The following QSER1 variants were observed in gnomAD, a reference collection of about 807,000 sequenced individuals.
QSER1 encodes glutamine and serine rich 1.
In QSER1, 49 loss-of-function variants were observed where a neutral mutation model predicts 158.5. The ratio of observed to expected loss-of-function variants is 0.31; its 90% CI spans 0.25 to 0.39. The LOEUF is 0.39. Ranked by LOEUF, QSER1 falls within the 10% of genes least tolerant of loss-of-function variation. The pLI, the probability that QSER1 is intolerant of heterozygous loss-of-function variation, is 1.00. For missense variants in QSER1, 1,754 were observed against 2,010.3 expected, an observed-to-expected ratio of 0.87 and a Z score of 2.44; for synonymous variants, 650 against 715.5, an observed-to-expected ratio of 0.91 and a Z score of 1.46.
intron 4 of QSER1, among the ~76,000 whole-genome samples, chr11:32,938,568 T>C (rs1190282626): frequency 2.0e-5 from 3 of 152,234 alleles, no homozygotes; most frequent in Non-Finnish European, 2.9e-5. Context: ...CTTCCACTGA[T>C]GCTAGTTTCC....
At chr11:32,915,064 G>A (rs1851815366) in intron 1 of QSER1, among the ~76,000 whole-genome samples, 1 of 152,028 alleles carries the variant, frequency 6.6e-6, no homozygotes, top group African/African-American at 2.4e-5. Context: ...TGGACTACAG[G>A]TGCCACTATG....
chr11:32,948,921 T>A (rs540364549), intron 4 of QSER1, among the ~76,000 whole-genome samples: 3 of 152,292 alleles, frequency 2.0e-5, no homozygotes, highest in South Asian at 4.1e-4. Flanking sequence ...ATATTTCTTT[T>A]CTTTTCCTGG....
chr11:32,941,327 C>T (rs1852228935), intron 4 of QSER1, among the ~76,000 whole-genome samples: 2 of 150,408 alleles, frequency 1.3e-5, no homozygotes, highest in African/African-American at 4.9e-5. Flanking sequence ...TGGTGTGCTG[C>T]ACCCACTAAC....
chr11:32,940,408 A>G (rs1005060416), intron 4 of QSER1, among the ~76,000 whole-genome samples: 2 of 152,122 alleles, frequency 1.3e-5, no homozygotes, highest in African/African-American at 4.8e-5. Flanking sequence ...TTAACTTGCT[A>G]GTATTTTATT....
chr11:32,893,467 C>A lies in QSER1; in HGVS notation c.209+133C>A. On this transcript the variant is annotated intron_variant, in intron 1 of 12. Transcript: ENST00000650167. The surrounding 1 kb of genome is among the most constrained non-coding windows in gnomAD (Gnocchi z 4.7). ...GCCCTCCGCTCGCCCTCGGCCAGCTCGGGGGAGGCGGCTGATGACTCCTAC... is the reference window on the plus strand; with the variant it reads ...GCCCTCCGCTCGCCCTCGGCCAGCTAGGGGGAGGCGGCTGATGACTCCTAC... 1 of 152,408 alleles carries A rather than the reference C, an allele frequency of 6.6e-6. No homozygotes were observed. The highest frequency in any genetic ancestry group is 1.9e-4 in the East Asian group (1 of 5,176). The allele number at this position is 152,408 out of a possible 1,614,324, so 9.4% of individuals were successfully genotyped here.
rs374250160 is a variant in QSER1 at position 32,934,037 on chromosome 11, C to G, written c.2779C>G (p.Leu927Val). The G allele has an allele frequency of 6.2e-7, 1 of 1,613,326 alleles. No homozygotes were observed. The highest frequency in any genetic ancestry group is 1.7e-5 in the Admixed American group (1 of 59,864). The change falls in exon 4 of 13, where the codon CTC becomes GTC. Residue 927 changes from leucine (L) to valine (V), a missense_variant. Around this residue, in one of 2 missense-constraint regions of QSER1, gnomAD observed 1,707 missense variants for 1,919.6 expected, o/e 0.89. Coordinates refer to ENST00000650167, the MANE Select transcript of QSER1 (RefSeq NM_001076786.3). Reference sequence around the variant, plus strand: ...AAATTCTGAAGTTATGAAAATGGACCTCTCTGAGTCTTCAAAACCATTACA... The same window carrying G: ...AAATTCTGAAGTTATGAAAATGGACGTCTCTGAGTCTTCAAAACCATTACA... Reference protein sequence around the residue: ...PQNSEVMKMDLSESSKPLQQH... With the variant: ...PQNSEVMKMDVSESSKPLQQH...
chr11:32,913,262 C>T (rs1320865515), intron 1 of QSER1, among the ~76,000 whole-genome samples: 1 of 139,316 alleles, frequency 7.2e-6, no homozygotes, highest in African/African-American at 2.7e-5. Context: ...GCGATCTCGG[C>T]TCACTGCAAG....
chr11:32,905,185 G>T (rs1306443498), intron 1 of QSER1, among the ~76,000 whole-genome samples: 1 of 152,118 alleles, frequency 6.6e-6, no homozygotes, highest in African/African-American at 2.4e-5. Context: ...ATTTTCATAT[G>T]GCCTAATGCC....
At chr11:32,972,518 C>T (rs1454123848) in intron 10 of QSER1, among the ~76,000 whole-genome samples, 1 of 151,940 alleles carries the variant, frequency 6.6e-6, no homozygotes, top group Non-Finnish European at 1.5e-5. Context: ...TCAGTACAAC[C>T]TCTGCCTCCC....
rs761409897 is a variant in QSER1, at chr11:32,928,040, C to T, written c.401C>T (p.Ser134Phe). The T allele has an allele frequency of 1.2e-5, 20 of 1,611,412 alleles. No individual in the cohort carries two copies. The South Asian group carries it at 2.2e-4, about 18-fold the overall frequency. ...TKESSVMNFLSTAESRTAQAA... is the reference protein window; with the variant it reads ...TKESSVMNFLFTAESRTAQAA... ...GAGTCTTCAGTGATGAATTTTCTGT[C>T]TACTGCTGAATCCCGAACTGCTCAG... Residue 134 changes from serine (S) to phenylalanine (F), a missense_variant, in exon 3 of 13, where the codon TCT (serine) becomes TTT (phenylalanine). Coordinates refer to ENST00000650167, the MANE Select transcript of QSER1 (RefSeq NM_001076786.3).
chr11:32,897,087 C>T (rs113086975), intron 1 of QSER1, among the ~76,000 whole-genome samples: 231 of 152,230 alleles, frequency 1.5e-3, no homozygotes, highest in African/African-American at 3.6e-3. Flanking sequence ...TTAAGTCACA[C>T]GTACATTCAT....
At chr11:32,925,190 A>G (rs916757306) in intron 1 of QSER1, among the ~76,000 whole-genome samples, 2 of 152,232 alleles carry the variant, frequency 1.3e-5, no homozygotes, top group African/African-American at 4.8e-5. Context: ...TGCAATGAAC[A>G]TGCAAGTCAA....
At chr11:32,974,036 T>C (rs1852923002) in intron 11 of QSER1, among the ~76,000 whole-genome samples, 1 of 152,240 alleles carries the variant, frequency 6.6e-6, no homozygotes, top group South Asian at 2.1e-4. Context: ...TGCAAAGTCA[T>C]TAAAATTGGA....
At chr11:32,942,922 G>C (rs1852265170) in intron 4 of QSER1, among the ~76,000 whole-genome samples, 1 of 152,136 alleles carries the variant, frequency 6.6e-6, no homozygotes, top group Admixed American at 6.5e-5. Context: ...GCAGCGGTTT[G>C]TAGTTCTCCT....
Position 32,931,985 on chromosome 11 carries a change from G to C in QSER1, c.727G>C (p.Ala243Pro). 6.2e-7 allele frequency: 1 copy of C among 1,614,152 alleles called. No individual in the cohort carries two copies. Among genetic ancestry groups the C allele is most frequent in the Non-Finnish European group, 8.5e-7 (1 of 1,180,040 alleles). The change falls in exon 4 of 13, where the codon GCA becomes CCA. Residue 243 changes from alanine (A) to proline (P), a missense_variant. This residue lies in a region of QSER1 where 1,707 missense variants were observed against 1,919.6 expected (regional missense o/e 0.89). Coordinates refer to ENST00000650167, the MANE Select transcript of QSER1 (RefSeq NM_001076786.3). ...CCAGGGAACTGTTCCAACTGCTTTG[G>C]CATTTGAGCGCCTGGGCAGTTCTGT... ...TSQGTVPTALAFERLGSSVLS... is the reference protein window; with the variant it reads ...TSQGTVPTALPFERLGSSVLS...
In QSER1 at chr11:32,975,318, A is replaced by G; in HGVS notation, c.5429A>G (p.His1810Arg). 2 of 1,595,630 alleles carry G rather than the reference A, an allele frequency of 1.3e-6. No homozygotes were observed. The highest frequency in any genetic ancestry group is 1.7e-4 in the Middle Eastern group (1 of 5,990). The stretch of plus-strand genomic sequence containing the variant: ...CATTCACTCCATCATTATAAGTACC[A>G]TGTTTATCTGATATGTAAGGATGAG... ...LYHSLHHYKY[H>R]VYLICKDEIS... is the part of the protein sequence containing the mutation. The change falls in exon 12 of 13, where the codon CAT (histidine) becomes CGT (arginine). Residue 1810 changes from histidine to arginine, a missense_variant. By Grantham distance (29) the His-to-Arg change is conservative. Transcript: ENST00000650167.
Position 32,934,544 on chromosome 11 carries a change from C to A in QSER1, c.3286C>A (p.His1096Asn). ...AACTTCAGCAGTGGTTGGACCAAGT[C>A]ATGAAGTCCAGGAGCAAAGTTCTGG... is the stretch of plus-strand genomic sequence containing the variant. ...KVTSAVVGPS[H>N]EVQEQSSGPF... The change falls in exon 4 of 13, where the codon CAT becomes AAT. Residue 1096 changes from histidine (H) to asparagine (N), a missense_variant. By Grantham distance (68) the His-to-Asn change is moderately conservative. Around this residue, in one of 2 missense-constraint regions of QSER1, gnomAD observed 1,707 missense variants for 1,919.6 expected, o/e 0.89. Transcript: ENST00000650167. 1 of 1,613,458 alleles carries A rather than the reference C, an allele frequency of 6.2e-7. No homozygotes were observed. Among genetic ancestry groups the A allele is most frequent in the South Asian group, 1.1e-5 (1 of 90,994 alleles).
intron 4 of QSER1, among the ~76,000 whole-genome samples, chr11:32,940,255 C>T (rs150851511): frequency 3.5e-4 from 54 of 152,274 alleles, no homozygotes; most frequent in Middle Eastern, 3.4e-3. Flanking sequence ...GTTAGCCTTG[C>T]ACAAGGCTTC....
intron 4 of QSER1, among the ~76,000 whole-genome samples, chr11:32,939,203 G>A (rs1852195313): frequency 6.6e-6 from 1 of 152,016 alleles, no homozygotes; most frequent in Non-Finnish European, 1.5e-5. Context: ...TCAAAATGAA[G>A]GCCAAACTGA....
Sources: gnomAD v4.1 joint callset for allele counts (sites outside exome capture counted in the v4.1 genomes callset) on GRCh38, gnomAD v4.1.1 for gene constraint, gnomAD v4.1.1 regional missense constraint, Gnocchi (gnomAD v3.1) non-coding constraint, MANE v1.5 for transcripts, NCBI Gene and HGNC (gene_info 2026-07-23, HGNC 2026-07-21) for gene names.